The following CTNNA3 variants were observed in gnomAD, a reference collection of about 807,000 sequenced individuals.
CTNNA3 encodes the protein catenin alpha 3, also known as catenin alpha-3.
In CTNNA3, 76 loss-of-function variants were observed where a neutral mutation model predicts 95.7. The ratio of observed to expected loss-of-function variants is 0.79; its 90% CI spans 0.66 to 0.96. The LOEUF is 0.96. CTNNA3 is among the 40% of genes least tolerant of loss of function. CTNNA3 has a pLI of 0.00. For missense variants in CTNNA3, 1,191 were observed against 1,089.8 expected, an observed-to-expected ratio of 1.09 and a Z score of -1.31; for synonymous variants, 431 against 374.4, an observed-to-expected ratio of 1.15 and a Z score of -1.74.
At chr10:67,178,489 T>C (rs1319210952) in intron 7 of CTNNA3, among the ~76,000 whole-genome samples, 1 of 151,958 alleles carries the variant, frequency 6.6e-6, no homozygotes. Context: ...CGAGAGACTG[T>C]GTAAGAAAGC....
At chr10:66,678,621 C>T (rs780116227) in intron 9 of CTNNA3, among the ~76,000 whole-genome samples, 1 of 152,092 alleles carries the variant, frequency 6.6e-6, no homozygotes, top group African/African-American at 2.4e-5. Context: ...TAGAAGAACA[C>T]TTTTGGGGCT....
intron 9 of CTNNA3, among the ~76,000 whole-genome samples, chr10:66,674,674 C>A (rs529557664): frequency 1.3e-5 from 2 of 151,884 alleles, no homozygotes; most frequent in South Asian, 2.1e-4. Context: ...TGTTCTAATT[C>A]CCAGCTTTAT....
intron 15 of CTNNA3, among the ~76,000 whole-genome samples, chr10:66,028,721 G>A (rs1423390325): frequency 1.3e-5 from 2 of 151,994 alleles, no homozygotes; most frequent in African/African-American, 4.8e-5. Context: ...TTGTGCATGT[G>A]TACTCTAAAA....
intron 1 of CTNNA3, among the ~76,000 whole-genome samples, chr10:67,702,688 T>C (rs1433840530): frequency 3.9e-5 from 6 of 152,186 alleles, no homozygotes; most frequent in African/African-American, 1.4e-4. Flanking sequence ...ACATTCAAAA[T>C]TGACAACCTA....
chr10:67,583,975 G>C (rs1054835093), intron 3 of CTNNA3, among the ~76,000 whole-genome samples: 3 of 152,018 alleles, frequency 2.0e-5, no homozygotes, highest in African/African-American at 7.3e-5. Flanking sequence ...CTTTTTTCAA[G>C]GTTTTTAGCT....
chr10:67,454,606 T>C (rs2132973833), intron 5 of CTNNA3, among the ~76,000 whole-genome samples: 1 of 152,318 alleles, frequency 6.6e-6, no homozygotes, highest in Non-Finnish European at 1.5e-5. Context: ...TCTCACTTTG[T>C]TCTTGCTAGC....
chr10:67,540,289 G>C (rs907216041), intron 3 of CTNNA3, among the ~76,000 whole-genome samples: 1 of 151,422 alleles, frequency 6.6e-6, no homozygotes, highest in Non-Finnish European at 1.5e-5. Flanking sequence ...AGTTCAAAAG[G>C]GTATAAAATG....
At chr10:67,392,666 T>A (rs145160162) in intron 5 of CTNNA3, among the ~76,000 whole-genome samples, 10,247 of 151,996 alleles carry the variant, frequency 0.067, 471 homozygotes, top group African/African-American at 0.13. Flanking sequence ...CAAATGTCCA[T>A]CAATGATAGA....
intron 2 of CTNNA3, among the ~76,000 whole-genome samples, chr10:67,633,293 A>C (rs907428700): frequency 6.6e-6 from 1 of 152,110 alleles, no homozygotes; most frequent in Non-Finnish European, 1.5e-5. Flanking sequence ...CAGTGGACTC[A>C]GCCATTCTAG....
At chr10:66,179,429 G>A (rs1468126902) in intron 13 of CTNNA3, among the ~76,000 whole-genome samples, 1 of 151,996 alleles carries the variant, frequency 6.6e-6, no homozygotes, top group Non-Finnish European at 1.5e-5. Context: ...CAATCTTTAT[G>A]GTGATGAAAA....
At chr10:66,431,247 C>T (rs536295990) in intron 11 of CTNNA3, among the ~76,000 whole-genome samples, 3 of 152,280 alleles carry the variant, frequency 2.0e-5, no homozygotes, top group South Asian at 4.1e-4. Flanking sequence ...CAGGAAACAA[C>T]AGGAGCTGGA....
intron 7 of CTNNA3, among the ~76,000 whole-genome samples, chr10:67,028,809 CAAGT>C (rs1853548118): frequency 6.6e-6 from 1 of 152,076 alleles, no homozygotes; most frequent in Non-Finnish European, 1.5e-5. Context: ...AAGCATTCTA[CAAGT>C]AATTACATTA....
intron 12 of CTNNA3, among the ~76,000 whole-genome samples, chr10:66,346,302 CAG>C (rs1372476455): frequency 7.3e-6 from 1 of 137,890 alleles, no homozygotes; most frequent in East Asian, 2.1e-4. Flanking sequence ...GAGACAGAGA[CAG>C]AGTCTTGCCC....
At chr10:66,199,802 T>TAC (rs2087259001) in intron 13 of CTNNA3, among the ~76,000 whole-genome samples, 1 of 17,224 alleles carries the variant, frequency 5.8e-5, no homozygotes, top group Non-Finnish European at 1.1e-4. Context: ...TATATATATA[T>TAC]ATATTTTTTT....
intron 13 of CTNNA3, among the ~76,000 whole-genome samples, chr10:66,138,923 C>T (rs187417073): frequency 6.6e-6 from 1 of 152,312 alleles, no homozygotes; most frequent in Admixed American, 6.5e-5. Context: ...GACCTTTACA[C>T]ATCACTCTCT....
At chr10:66,866,206 G>A (rs1844172439) in intron 7 of CTNNA3, among the ~76,000 whole-genome samples, 1 of 152,160 alleles carries the variant, frequency 6.6e-6, no homozygotes, top group South Asian at 2.1e-4. Flanking sequence ...CTAACCTCAG[G>A]ACTCCTGCCT....
At chr10:66,023,116 A>C (rs2079257054) in intron 15 of CTNNA3, among the ~76,000 whole-genome samples, 1 of 152,204 alleles carries the variant, frequency 6.6e-6, no homozygotes, top group Admixed American at 6.5e-5. Flanking sequence ...TCTAGTACTT[A>C]GAACAAAACA....
intron 11 of CTNNA3, among the ~76,000 whole-genome samples, chr10:66,516,895 C>A (rs892174194): frequency 2.6e-5 from 4 of 152,104 alleles, no homozygotes; most frequent in African/African-American, 9.7e-5. Flanking sequence ...CAAGAGGGAA[C>A]ATGAACAGAA....
At chr10:67,326,193 T>G (rs1477652626) in intron 5 of CTNNA3, among the ~76,000 whole-genome samples, 2 of 152,202 alleles carry the variant, frequency 1.3e-5, no homozygotes, top group Non-Finnish European at 2.9e-5. Context: ...TGCCACTCTG[T>G]GCCTTTTAAT....
Sources: allele counts gnomAD v4.1 joint callset (sites outside exome capture counted in the v4.1 genomes callset), GRCh38; gene constraint gnomAD v4.1.1; transcripts MANE v1.5; gene names NCBI Gene and HGNC (gene_info 2026-07-23, HGNC 2026-07-21).